Variants in DGCR2 observed in about 807,000 individuals in gnomAD.
DGCR2 encodes DiGeorge syndrome critical region gene 2.
Under a neutral mutation model 51.6 loss-of-function variants are expected in DGCR2, and 24 were observed. The observed-to-expected ratio is 0.47, with a 90% CI of 0.34 to 0.65. The LOEUF is 0.65. Ranked by LOEUF, DGCR2 falls within the 30% of genes least tolerant of loss-of-function variation. The pLI is 0.01. For missense variants in DGCR2, 765 were observed against 772.1 expected, an observed-to-expected ratio of 0.99 and a Z score of 0.11; for synonymous variants, 340 against 315.4, an observed-to-expected ratio of 1.08 and a Z score of -0.82.
intron 1 of DGCR2, among the ~76,000 whole-genome samples, chr22:19,092,616 G>A (rs951389096): frequency 6.6e-6 from 1 of 152,000 alleles, no homozygotes; most frequent in African/African-American, 2.4e-5. Context: ...TAGCTTCAAT[G>A]GAAAATTCCT....
At chr22:19,103,928 G>C (rs545680093) in intron 1 of DGCR2, among the ~76,000 whole-genome samples, 8 of 151,790 alleles carry the variant, frequency 5.3e-5, no homozygotes, top group Non-Finnish European at 1.2e-4. Flanking sequence ...ATTATGAGGT[G>C]AGAGTACCTC....
chr22:19,088,580 G>A (rs529566755), intron 2 of DGCR2, among the ~76,000 whole-genome samples: 11 of 152,306 alleles, frequency 7.2e-5, no homozygotes, highest in Admixed American at 6.5e-5. Context: ...CTGCATGTCT[G>A]GCCAAAGCAT....
intron 1 of DGCR2, among the ~76,000 whole-genome samples, chr22:19,098,353 G>A (rs2083164508): frequency 6.6e-6 from 1 of 152,118 alleles, no homozygotes; most frequent in Non-Finnish European, 1.5e-5. Context: ...TTTCCTTCAA[G>A]GGCCAGATGA....
At chr22:19,051,203 A>G (rs1421924088) in intron 6 of DGCR2, among the ~76,000 whole-genome samples, 1 of 147,512 alleles carries the variant, frequency 6.8e-6, no homozygotes, top group East Asian at 1.9e-4. Flanking sequence ...AAAAAAAAAA[A>G]AAAAAAAAAA....
At chr22:19,107,544 T>G (rs929571218) in intron 1 of DGCR2, among the ~76,000 whole-genome samples, 1 of 152,210 alleles carries the variant, frequency 6.6e-6, no homozygotes. Flanking sequence ...TGGCTTCTCC[T>G]TAGGCAGATG....
At chr22:19,056,833 A>C (rs977018747) in intron 6 of DGCR2, among the ~76,000 whole-genome samples, 153 bp downstream of exon 6, 1 of 152,124 alleles carries the variant, frequency 6.6e-6, no homozygotes, top group African/African-American at 2.4e-5. Context: ...ACAGAGCTGC[A>C]AATGGGCCCC....
intron 3 of DGCR2, 36 bp downstream of exon 3, chr22:19,068,064 C>A (rs1009480526): frequency 3.3e-6 from 5 of 1,525,752 alleles, no homozygotes; most frequent in South Asian, 2.5e-5. Context: ...GGCTTGCACT[C>A]CCCAGTGTCC....
chr22:19,082,388 CTTAATT>C (rs964800537), intron 2 of DGCR2, among the ~76,000 whole-genome samples: 4 of 151,806 alleles, frequency 2.6e-5, no homozygotes, highest in Non-Finnish European at 5.9e-5. Flanking sequence ...AACGAGAGAT[CTTAATT>C]TTAATCTAGC....
intron 1 of DGCR2, among the ~76,000 whole-genome samples, chr22:19,100,387 T>C (rs914751644): frequency 1.3e-5 from 2 of 152,214 alleles, no homozygotes; most frequent in African/African-American, 2.4e-5. Context: ...CAGCTCCTCT[T>C]AGCCAATGGA....
chr22:19,084,176 C>T (rs1255394833), intron 2 of DGCR2, among the ~76,000 whole-genome samples: 1 of 152,004 alleles, frequency 6.6e-6, no homozygotes, highest in African/African-American at 2.4e-5. Context: ...TCTGCCTGGC[C>T]GCCCGTCATC....
chr22:19,039,031 G>A lies in DGCR2; in HGVS notation c.1487C>T (p.Pro496Leu). The A allele has an allele frequency of 6.2e-7, 1 of 1,613,004 alleles. No individual in the cohort carries two copies. Reference sequence around the variant, plus strand: ...CAGAGAGGCCCCCGCAGTGGGCAGAGGCTGCTCCAGGCGCCGGAGTAATGC... The same window carrying A: ...CAGAGAGGCCCCCGCAGTGGGCAGAAGCTGCTCCAGGCGCCGGAGTAATGC... The part of the protein sequence containing the change: ...EGALLRRLEQ[P>L]LPTAGASLAD... The change falls in exon 10 of 10, where the codon CCT becomes CTT. Residue 496 changes from proline to leucine, a missense_variant. Around this residue, in one of 3 missense-constraint regions of DGCR2, gnomAD observed 205 missense variants for 181.4 expected, o/e 1.13. Transcript: ENST00000263196.
intron 2 of DGCR2, among the ~76,000 whole-genome samples, chr22:19,079,896 T>C (rs531930802): frequency 1.3e-5 from 2 of 152,372 alleles, no homozygotes; most frequent in Admixed American, 6.5e-5. Context: ...TGTTTTCTTC[T>C]AGATCTGGTC....
chr22:19,050,729 C>G (rs906472253), intron 6 of DGCR2, among the ~76,000 whole-genome samples: 1 of 152,212 alleles, frequency 6.6e-6, no homozygotes, highest in Non-Finnish European at 1.5e-5. Flanking sequence ...CAAAGCTATA[C>G]TGGACTAAAG....
chr22:19,101,975 A>C (rs567355384), intron 1 of DGCR2, among the ~76,000 whole-genome samples: 52 of 152,070 alleles, frequency 3.4e-4, no homozygotes, highest in African/African-American at 1.1e-3. Context: ...GAATTGTTTG[A>C]ACCTGGGAAG....
chr22:19,061,116 T>C (rs2082658001), intron 5 of DGCR2: 1 of 210,640 alleles, frequency 4.7e-6, no homozygotes, highest in Non-Finnish European at 9.9e-6. Flanking sequence ...ATGACTTACA[T>C]CCATTTCCCA....
At chr22:19,066,992 C>G (rs1469333895) in intron 3 of DGCR2, among the ~76,000 whole-genome samples, 1 of 152,196 alleles carries the variant, frequency 6.6e-6, no homozygotes, top group Non-Finnish European at 1.5e-5. Context: ...GGGCACAGGC[C>G]GGAGACAAAG....
intron 1 of DGCR2, among the ~76,000 whole-genome samples, chr22:19,107,591 T>C (rs1179638034): frequency 2.0e-5 from 3 of 151,886 alleles, no homozygotes; most frequent in African/African-American, 4.8e-5. Flanking sequence ...TAAGTTATCC[T>C]AGAAAAGAAG....
At chr22:19,069,995 T>G (rs1298311152) in intron 2 of DGCR2, among the ~76,000 whole-genome samples, 1 of 152,164 alleles carries the variant, frequency 6.6e-6, no homozygotes, top group East Asian at 1.9e-4. Flanking sequence ...TTTGGGGTAC[T>G]TTACCACCCC....
Position 19,064,921 on chromosome 22 carries a change from G to A in DGCR2, c.475C>T (p.Gln159Ter). 1.9e-6 allele frequency: 3 copies of A among 1,614,004 alleles called. No individual in the cohort carries two copies. Among genetic ancestry groups the A allele is most frequent in the Non-Finnish European group, 2.5e-6 (3 of 1,180,038 alleles). Reference protein sequence around the residue: ...NGSLATFSTDQELRFVLAQEW... With the variant: ...NGSLATFSTD ...TGGGCCAGGACAAAGCGCAGCTCCT[G>A]GTCAGTGGAGAAGGTGGCGAGAGAG... Residue 159 changes from glutamine (Q) to a stop codon, truncating the protein, a stop_gained, in exon 4 of 10, where the codon CAG (glutamine) becomes TAG (stop). Coordinates refer to ENST00000263196, the MANE Select transcript of DGCR2 (RefSeq NM_005137.3). LOFTEE classifies it high-confidence loss of function.
Sources: gnomAD v4.1 joint callset for allele counts (sites outside exome capture counted in the v4.1 genomes callset) on GRCh38, gnomAD v4.1.1 for gene constraint, gnomAD v4.1.1 regional missense constraint, MANE v1.5 for transcripts, NCBI Gene and HGNC (gene_info 2026-07-23, HGNC 2026-07-21) for gene names.